Variants in VPS36 observed in about 807,000 individuals in gnomAD.
The protein encoded by VPS36 is vacuolar protein sorting 36 homolog.
A neutral mutation model predicts 63.5 loss-of-function variants in VPS36; 31 were observed. The observed-to-expected ratio is 0.49, with a 90% CI of 0.37 to 0.66. The LOEUF is 0.66. Among genes scored for constraint, VPS36 ranks in the 30% least tolerant of loss-of-function variants. The pLI is 0.00. For missense variants in VPS36, 338 were observed against 463.7 expected, an observed-to-expected ratio of 0.73 and a Z score of 2.49; for synonymous variants, 138 against 157.2, an observed-to-expected ratio of 0.88 and a Z score of 0.91.
rs766099499 is a variant in VPS36, at chr13:52,416,040, C to T, written c.1044G>A (p.Met348Ile). ...TSEEFAKLVG[M>I]SVLLAKERLL... The stretch of plus-strand genomic sequence containing the variant: ...ACCTTTCTTTGGCTAGGAGGACAGA[C>T]ATTCCCACAAGCTTAGCAAACTCTT... The change falls in exon 13 of 14, where the codon ATG (methionine) becomes ATA (isoleucine). Residue 348 changes from methionine to isoleucine, a missense_variant. Met to Ile is a conservative substitution (Grantham distance 10, BLOSUM62 1). Transcript: ENST00000378060. The T allele has an allele frequency of 2.5e-6, 4 of 1,614,020 alleles. No homozygotes were observed. The highest frequency in any genetic ancestry group is 3.4e-6 in the Non-Finnish European group (4 of 1,179,990).
intron 1 of VPS36, among the ~76,000 whole-genome samples, chr13:52,447,270 A>G (rs1261947449): frequency 6.6e-6 from 1 of 152,186 alleles, no homozygotes; most frequent in East Asian, 1.9e-4. Context: ...AATACATAAT[A>G]ATGCTGAGAT....
At chr13:52,434,060 G>C (rs924405904) in intron 5 of VPS36, among the ~76,000 whole-genome samples, 3 of 151,734 alleles carry the variant, frequency 2.0e-5, no homozygotes, top group African/African-American at 4.8e-5. Context: ...TACTTAATAG[G>C]GTCTCAAATG....
intron 13 of VPS36, 30 bp from the exon 14 acceptor site, chr13:52,415,953 A>T: frequency 6.2e-7 from 1 of 1,612,700 alleles, no homozygotes; most frequent in Non-Finnish European, 8.5e-7. Flanking sequence ...AAACCCCCAC[A>T]CAATTATCTG....
Position 52,437,660 on chromosome 13 carries a change from G to A in VPS36, c.237-1256C>T, listed in dbSNP as rs995943190. Among the ~76,000 whole-genome samples, 9 of 152,306 alleles carry A rather than the reference G, an allele frequency of 5.9e-5. No homozygotes were observed. In the East Asian group the frequency reaches 1.2e-3, roughly 20 times the overall value. ...AATTTATGAAATAAAGCCGGGCGCG[G>A]TGGCTCATGCCTGTAATCCCAGCAC... On this transcript the variant is annotated intron_variant, in intron 3 of 13. Coordinates refer to ENST00000378060, the MANE Select transcript of VPS36 (RefSeq NM_016075.4).
At chr13:52,445,572 G>A (rs1407535830) in intron 1 of VPS36, among the ~76,000 whole-genome samples, 14 of 147,456 alleles carry the variant, frequency 9.5e-5, no homozygotes, top group South Asian at 6.5e-4. Flanking sequence ...TCGGGAGGTG[G>A]AGCTTGCAGA....
chr13:52,432,080 C>G (rs1394590511), intron 6 of VPS36, among the ~76,000 whole-genome samples: 1 of 152,150 alleles, frequency 6.6e-6, no homozygotes, highest in Non-Finnish European at 1.5e-5. Flanking sequence ...TGGCTGGGCG[C>G]GGTGGCACAT....
chr13:52,435,852 C>A (rs1958210052), intron 4 of VPS36: 1 of 153,644 alleles, frequency 6.5e-6, no homozygotes, highest in African/African-American at 2.4e-5. Context: ...AACTATTATA[C>A]TGCAGAATAA....
intron 9 of VPS36, among the ~76,000 whole-genome samples, chr13:52,425,252 CAAA>C (rs748988364): frequency 7.4e-5 from 5 of 67,368 alleles, no homozygotes; most frequent in Admixed American, 1.6e-4. Context: ...GACTCCGCCT[CAAA>C]AAAAAAAAAA....
At chr13:52,449,975 A>G (rs890543952) in intron 1 of VPS36, 34 of 985,590 alleles carry the variant, frequency 3.4e-5, no homozygotes, top group Non-Finnish European at 4.0e-5. Context: ...CCCTCTGCCC[A>G]GATATGCTAA....
intron 9 of VPS36, 168 bp downstream of exon 9, chr13:52,425,764 A>G (rs1958095450): frequency 3.2e-6 from 2 of 618,264 alleles, no homozygotes; most frequent in Non-Finnish European, 4.8e-6. Context: ...AGAAAATTAC[A>G]AAGAATAATA....
At chr13:52,419,897 G>A (rs998218179) in intron 10 of VPS36, among the ~76,000 whole-genome samples, 2 of 152,108 alleles carry the variant, frequency 1.3e-5, no homozygotes. Context: ...AGAGTAGTGG[G>A]GAAGGAGGGA....
At chr13:52,442,304 C>T (rs947267812) in intron 2 of VPS36, 73 bp downstream of exon 2, 6 of 1,393,632 alleles carry the variant, frequency 4.3e-6, no homozygotes, top group African/African-American at 2.9e-5. Context: ...CTAGGCAATA[C>T]AGCGAGACCC....
intron 1 of VPS36, among the ~76,000 whole-genome samples, chr13:52,443,396 G>A (rs1026022695): frequency 6.6e-6 from 1 of 152,178 alleles, no homozygotes; most frequent in African/African-American, 2.4e-5. Context: ...AAGTTCATGA[G>A]GTGGGGCCCT....
chr13:52,450,068 C>T lies in VPS36; in HGVS notation c.96+431G>A, dbSNP rs1320987658. ...CCACCGCGCCCTCCTCACAGAAAGG[C>T]GAAACGGGGCTGTCCGGTGCCGACG... On this transcript the variant is annotated intron_variant, in intron 1 of 13. Transcript: ENST00000378060. 5 of 987,860 alleles carry T rather than the reference C, an allele frequency of 5.1e-6. No individual in the cohort carries two copies. In the African/African-American group the frequency reaches 7.0e-5, roughly 14 times the overall value. 61.2% of individuals were successfully genotyped at this position (987,860 alleles called of 1,614,324 possible).
intron 8 of VPS36, among the ~76,000 whole-genome samples, chr13:52,426,534 C>T (rs888048887): frequency 6.6e-6 from 1 of 152,162 alleles, no homozygotes; most frequent in Non-Finnish European, 1.5e-5. Context: ...ATAATTTTTA[C>T]GGTTGACTTT....
chr13:52,447,824 C>T (rs889469555), intron 1 of VPS36, among the ~76,000 whole-genome samples: 1 of 151,158 alleles, frequency 6.6e-6, no homozygotes, highest in African/African-American at 2.4e-5. Context: ...GCTCTGTTGC[C>T]TAGGCTGGAG....
chr13:52,443,926 G>A (rs1430801542), intron 1 of VPS36, among the ~76,000 whole-genome samples: 2 of 152,112 alleles, frequency 1.3e-5, no homozygotes, highest in Non-Finnish European at 2.9e-5. Flanking sequence ...TTACCAGAAA[G>A]TGGAATTTGC....
At chr13:52,431,748 G>GT (rs1219679547) in intron 6 of VPS36, among the ~76,000 whole-genome samples, 2 of 136,374 alleles carry the variant, frequency 1.5e-5, no homozygotes, top group African/African-American at 5.4e-5. Flanking sequence ...AAGCGACAGA[G>GT]TAAGACTCTG....
intron 10 of VPS36, among the ~76,000 whole-genome samples, chr13:52,420,066 C>A (rs1218387521): frequency 6.6e-6 from 1 of 151,930 alleles, no homozygotes; most frequent in Non-Finnish European, 1.5e-5. Flanking sequence ...CATGGAGAAA[C>A]CCCGTCTCTA....
Sources: gnomAD v4.1 joint callset for allele counts (sites outside exome capture counted in the v4.1 genomes callset) on GRCh38, gnomAD v4.1.1 for gene constraint, MANE v1.5 for transcripts, NCBI Gene and HGNC (gene_info 2026-07-23, HGNC 2026-07-21) for gene names.